SLCO4C1: variants seen among roughly 807,000 people sequenced by gnomAD.
The protein encoded by SLCO4C1 is solute carrier organic anion transporter family member 4C1, also known as organic anion transporter M1.
SLCO4C1 carries 58 observed loss-of-function variants against 72.1 expected under a neutral mutation model. The ratio of observed to expected loss-of-function variants is 0.80; its 90% confidence interval spans 0.65 to 1.00. The LOEUF is 1.00. Ranked by LOEUF, SLCO4C1 falls within the 50% of genes least tolerant of loss-of-function variation. The pLI is 0.00. For missense variants in SLCO4C1, 898 were observed against 857.9 expected (o/e 1.05, Z -0.58); for synonymous variants, 297 against 312.5 (o/e 0.95, Z 0.52).
intron 2 of SLCO4C1, among the ~76,000 whole-genome samples, chr5:102,279,781 T>G (rs114521219): frequency 0.011 from 1,684 of 152,054 alleles, 16 homozygotes; most frequent in Non-Finnish European, 0.019. Context: ...TCAAAAAATG[T>G]TAACTACTGT....
At chr5:102,291,907 C>A (rs1749564160) in intron 1 of SLCO4C1, among the ~76,000 whole-genome samples, 1 of 152,040 alleles carries the variant, frequency 6.6e-6, no homozygotes, top group Non-Finnish European at 1.5e-5. Flanking sequence ...CCGCCACCTC[C>A]ACCTCCAGGG....
rs1748914111 is a variant in SLCO4C1 at position 102,260,329 on chromosome 5, A to ATATATATATATAT, written c.1022-11_1022-10insATATATATATATA. 1.2e-4 allele frequency: 4 copies of ATATATATATATAT among 32,400 alleles called. No homozygotes were observed. Among genetic ancestry groups the ATATATATATATAT allele is most frequent in the African/African-American group, 7.2e-4 (3 of 4,142 alleles). 2.0% of individuals were successfully genotyped at this position (32,400 alleles called of 1,614,324 possible). On this transcript the variant is annotated splice_polypyrimidine_tract_variant and intron_variant, in intron 5 of 12. Transcript: ENST00000310954. ...TGAATTTCTGCTGTACCTAAAAAAA[A>ATATATATATATAT]AATATATATATATATATAATATATA...
chr5:102,245,399 C>G (rs1020517959), intron 10 of SLCO4C1, among the ~76,000 whole-genome samples: 7 of 151,868 alleles, frequency 4.6e-5, no homozygotes, highest in African/African-American at 1.2e-4. Flanking sequence ...AGTCACTATA[C>G]CTAGAAAAAA....
chr5:102,269,413 C>T (rs1057439461), intron 3 of SLCO4C1, among the ~76,000 whole-genome samples: 3 of 151,998 alleles, frequency 2.0e-5, no homozygotes, highest in African/African-American at 2.4e-5. Context: ...GACCGCTCTT[C>T]GTGGTCAGAA....
chr5:102,280,941 A>G (rs1749342352), intron 2 of SLCO4C1, among the ~76,000 whole-genome samples: 1 of 152,156 alleles, frequency 6.6e-6, no homozygotes, highest in Admixed American at 6.6e-5. Context: ...AAATCCTATT[A>G]CGATATTTTG....
chr5:102,239,434 T>G (rs778315827), intron 11 of SLCO4C1, 46 bp from the exon 12 acceptor site: 2 of 1,362,308 alleles, frequency 1.5e-6, no homozygotes, highest in South Asian at 3.7e-5. Context: ...GATTACAGTT[T>G]AGAATTACAG....
At chr5:102,258,137 A>G (rs745850119) in intron 6 of SLCO4C1, 50 bp from the exon 7 acceptor site, 2 of 1,424,830 alleles carry the variant, frequency 1.4e-6, no homozygotes, top group East Asian at 5.1e-5. Context: ...ATTGTATTGC[A>G]AAGTACAGAA....
intron 1 of SLCO4C1, among the ~76,000 whole-genome samples, chr5:102,294,693 A>G (rs1015697548): frequency 6.6e-6 from 1 of 152,158 alleles, no homozygotes; most frequent in African/African-American, 2.4e-5. Context: ...TGGACAGGGA[A>G]ATAATTCTTC....
intron 8 of SLCO4C1, among the ~76,000 whole-genome samples, chr5:102,256,652 T>A (rs1321257965): frequency 6.6e-6 from 1 of 152,250 alleles, no homozygotes; most frequent in African/African-American, 2.4e-5. Context: ...CATAAACTTC[T>A]AAGTAGATAC....
At chr5:102,240,474 C>T (rs966176111) in intron 11 of SLCO4C1, among the ~76,000 whole-genome samples, 14 of 152,042 alleles carry the variant, frequency 9.2e-5, no homozygotes, top group Admixed American at 8.5e-4. Flanking sequence ...TTGAAATAGA[C>T]ATGACACACC....
intron 2 of SLCO4C1, among the ~76,000 whole-genome samples, chr5:102,286,620 G>A (rs567504150): frequency 6.6e-6 from 1 of 152,072 alleles, no homozygotes; most frequent in South Asian, 2.1e-4. Flanking sequence ...GCCCTTAATA[G>A]CATGTATTTG....
intron 2 of SLCO4C1, 58 bp downstream of exon 2, chr5:102,291,285 G>T (rs1749543128): frequency 2.0e-6 from 3 of 1,536,960 alleles, no homozygotes; most frequent in South Asian, 2.4e-5. Flanking sequence ...TAAAGTTAAT[G>T]ACCTAGTTTT....
rs186980347 is a variant in SLCO4C1, at chr5:102,248,888, T to C, written c.1620+750A>G. Among the ~76,000 whole-genome samples, 1,131 of 152,244 alleles carry C rather than the reference T, an allele frequency of 7.4e-3. 5 individuals are homozygous for C. The highest frequency in any genetic ancestry group is 0.013 in the Non-Finnish European group (882 of 67,994). ...TTTCTAAGATATAGTACAGTAAAAT[T>C]GTACTGAGTTCTTTTAAACTATTTA... On this transcript the variant is annotated intron_variant, in intron 9 of 12. Coordinates refer to ENST00000310954, the MANE Select transcript of SLCO4C1 (RefSeq NM_180991.5).
chr5:102,235,232 T>C lies in SLCO4C1; in HGVS notation c.*1626A>G, dbSNP rs2112326675. 1 of 152,332 alleles carries C rather than the reference T, an allele frequency of 6.6e-6. No homozygotes were observed. Among genetic ancestry groups the C allele is most frequent in the Admixed American group, 6.5e-5 (1 of 15,300 alleles). 9.4% of individuals were successfully genotyped at this position (152,332 alleles called of 1,614,324 possible). ...TTTCCTACAAGATCTAACACTAAGC[T>C]TGTGTTATCCTGATTACAGTGTATA... On this transcript the variant is annotated 3_prime_UTR_variant, in exon 13 of 13. Coordinates refer to ENST00000310954, the MANE Select transcript of SLCO4C1 (RefSeq NM_180991.5).
At chr5:102,241,669 C>T (rs1193573509) in intron 10 of SLCO4C1, among the ~76,000 whole-genome samples, 1 of 152,058 alleles carries the variant, frequency 6.6e-6, no homozygotes, top group Non-Finnish European at 1.5e-5. Flanking sequence ...ATTTATCCTA[C>T]ATCAAGTGAT....
At chr5:102,277,822 G>A (rs72777964) in intron 2 of SLCO4C1, among the ~76,000 whole-genome samples, 41,318 of 150,456 alleles carry the variant, frequency 0.27, 5,961 homozygotes, top group Middle Eastern at 0.32. Context: ...ATGTAATGCA[G>A]TACCTAGAAA....
Position 102,291,305 on chromosome 5 carries a change from T to C in SLCO4C1, c.619+38A>G. On this transcript the variant is annotated intron_variant, in intron 2 of 12. Transcript: ENST00000310954. ...TTAATGACCTAGTTTTATCCACTTC[T>C]TCAGATTAAAACAAACATAAACACA... 1.9e-6 allele frequency: 3 copies of C among 1,589,506 alleles called. No individual in the cohort carries two copies. In the South Asian group the frequency reaches 3.4e-5, roughly 18 times the overall value.
intron 2 of SLCO4C1, among the ~76,000 whole-genome samples, chr5:102,284,543 T>C (rs537378071): frequency 6.6e-6 from 1 of 152,020 alleles, no homozygotes; most frequent in South Asian, 2.1e-4. Flanking sequence ...AGCCTCTTCA[T>C]CAACTCTACA....
rs571628252 is a variant in SLCO4C1 at position 102,258,124 on chromosome 5, A to G, written c.1129-37T>C. 113 of 1,485,376 alleles carry G rather than the reference A, an allele frequency of 7.6e-5. 1 individual carries two copies. The South Asian group carries it at 1.4e-3, about 19-fold the overall frequency. 92.0% of individuals were successfully genotyped at this position (1,485,376 alleles called of 1,614,324 possible). A position where few individuals can be genotyped will look rare whatever the true frequency, so the allele number is the denominator to read the frequency against. On this transcript the variant is annotated intron_variant, in intron 6 of 12. Transcript: ENST00000310954. Reference sequence around the variant, plus strand: ...AATACAGTTCCTCAAATGAATAGCTATGATTGTATTGCAAAGTACAGAATT... The same window carrying G: ...AATACAGTTCCTCAAATGAATAGCTGTGATTGTATTGCAAAGTACAGAATT...
Sources: allele counts gnomAD v4.1 joint callset (sites outside exome capture counted in the v4.1 genomes callset), GRCh38; gene constraint gnomAD v4.1.1; transcripts MANE v1.5; gene names NCBI Gene and HGNC (gene_info 2026-07-23, HGNC 2026-07-21).